The following ABCG8 variants were observed in gnomAD, a reference collection of about 807,000 sequenced individuals.
ABCG8 encodes the protein ATP binding cassette subfamily G member 8, also known as ATP-binding cassette sub-family G member 8.
In ABCG8, 81 loss-of-function variants were observed where a neutral mutation model predicts 71.3. The ratio of observed to expected loss-of-function variants is 1.14; its 90% CI spans 0.95 to 1.37. The LOEUF (loss-of-function observed/expected upper bound fraction) is 1.37. Among genes scored for constraint, ABCG8 ranks in the 40% most tolerant of loss-of-function variants. The pLI, the probability that ABCG8 is intolerant of heterozygous loss-of-function variation, is 0.00. For synonymous variants in ABCG8, 451 were observed against 354.7 expected (o/e 1.27, Z -3.05); for missense variants, 1,119 against 866.2 (o/e 1.29, Z -3.66).
chr2:43,868,739 G>A (rs1485563526), intron 6 of ABCG8, among the ~76,000 whole-genome samples: 1 of 151,462 alleles, frequency 6.6e-6, no homozygotes, highest in African/African-American at 2.4e-5. Context: ...TATCGATCAG[G>A]ATAGAATTCT....
chr2:43,875,846 C>G (rs1669943131), intron 11 of ABCG8, among the ~76,000 whole-genome samples: 1 of 152,090 alleles, frequency 6.6e-6, no homozygotes, highest in South Asian at 2.1e-4. Flanking sequence ...AGGTGCAAAC[C>G]CATGCCCCCC....
At chr2:43,868,099 C>T (rs1044222318) in intron 6 of ABCG8, among the ~76,000 whole-genome samples, 2 of 151,754 alleles carry the variant, frequency 1.3e-5, no homozygotes, top group Non-Finnish European at 2.9e-5. Context: ...GGATAGATCT[C>T]TCACTGTCTG....
rs575298621 is a variant in ABCG8 at position 43,867,323 on chromosome 2, G to A, written c.965-4653G>A. Among the ~76,000 whole-genome samples the A allele has an allele frequency of 2.0e-4, 30 of 147,044 alleles. No individual in the cohort carries two copies. In the South Asian group the frequency reaches 6.3e-3, roughly 31 times the overall value. Reference sequence around the variant, plus strand: ...TAACTAACCTGCACATTGTGCACATGTACCCTAAAACTTAAAGTATAATTA... The same window carrying A: ...TAACTAACCTGCACATTGTGCACATATACCCTAAAACTTAAAGTATAATTA... On this transcript the variant is annotated intron_variant, in intron 6 of 12. Transcript: ENST00000272286.
chr2:43,869,994 T>C (rs1282302381), intron 6 of ABCG8, among the ~76,000 whole-genome samples: 1 of 152,158 alleles, frequency 6.6e-6, no homozygotes, highest in Non-Finnish European at 1.5e-5. Flanking sequence ...TGACAATCTA[T>C]CTGGATAGAA....
rs200243054 is a variant in ABCG8, at chr2:43,880,166, A to ATTTTTTTTTTTTTTT, written c.*2259_*2260insTTTTTTTTTTTTTTT. On this transcript the variant is annotated 3_prime_UTR_variant, in exon 13 of 13. Coordinates refer to ENST00000272286, the MANE Select transcript of ABCG8 (RefSeq NM_022437.3). Reference sequence around the variant, plus strand: ...TGAAACAACCAAGAGTTTCAGGCTCATTTTTTGTTTTGTTTTTTTTTTTTT... The same window carrying ATTTTTTTTTTTTTTT: ...TGAAACAACCAAGAGTTTCAGGCTCATTTTTTTTTTTTTTTTTTTTTGTTTTGTTTTTTTTTTTTT... The ATTTTTTTTTTTTTTT allele has an allele frequency of 9.8e-6, 1 of 102,536 alleles. No homozygotes were observed. 6.4% of individuals were successfully genotyped at this position (102,536 alleles called of 1,614,324 possible).
intron 6 of ABCG8, among the ~76,000 whole-genome samples, chr2:43,869,561 A>G (rs542452575): frequency 6.6e-6 from 1 of 151,112 alleles, no homozygotes; most frequent in Non-Finnish European, 1.5e-5. Context: ...AATTCTCACC[A>G]TCTGGATAGA....
intron 11 of ABCG8, 63 bp from the exon 12 acceptor site, chr2:43,877,498 G>A (rs1164106141): frequency 4.4e-5 from 71 of 1,610,578 alleles, no homozygotes; most frequent in Non-Finnish European, 5.4e-5. Context: ...GAGACCATGC[G>A]AATATGGGGA....
chr2:43,851,428 C>T (rs1668910006), intron 3 of ABCG8, among the ~76,000 whole-genome samples, 156 bp from the exon 4 acceptor site: 1 of 152,258 alleles, frequency 6.6e-6, no homozygotes. Flanking sequence ...GGGCCCACCC[C>T]ATCTAGGTCC....
intron 6 of ABCG8, among the ~76,000 whole-genome samples, chr2:43,871,335 G>T (rs1054644913): frequency 2.0e-5 from 3 of 150,006 alleles, no homozygotes; most frequent in East Asian, 2.0e-4. Flanking sequence ...TCTCTGGATA[G>T]AACTCTCACT....
chr2:43,877,589 C>T lies in ABCG8; in HGVS notation c.1785C>T (p.Phe595=), dbSNP rs139677898. ...TVPAWISKVS[F]LRWCFEGLMK... is the part of the protein sequence containing the mutation. The stretch of plus-strand genomic sequence containing the variant: ...CCGCGTGGATTTCCAAAGTGTCCTT[C>T]CTGCGGTGGTGTTTTGAAGGGCTGA... Residue 595 remains phenylalanine (F), a synonymous_variant, in exon 12 of 13, where the codon TTC becomes TTT. Coordinates refer to ENST00000272286, the MANE Select transcript of ABCG8 (RefSeq NM_022437.3). The T allele has an allele frequency of 1.8e-3, 2,837 of 1,614,098 alleles. No homozygotes were observed. Among genetic ancestry groups the T allele is most frequent in the Non-Finnish European group, 2.2e-3 (2,646 of 1,180,022 alleles).
In ABCG8 at chr2:43,846,767, C is replaced by T. The variant is rs145290709; in HGVS notation, c.322+456C>T. ...TGTCTTACTTAGCACAACTTTCACT[C>T]ATCTGCAAAGAGCCAGGTTCTTGGA... On this transcript the variant is annotated intron_variant, in intron 3 of 12. Transcript: ENST00000272286. 453 of 218,734 alleles carry T rather than the reference C, an allele frequency of 2.1e-3. 1 individual carries two copies. The highest frequency in any genetic ancestry group is 5.5e-3 in the Middle Eastern group (3 of 542). 13.5% of individuals were successfully genotyped at this position (218,734 alleles called of 1,614,324 possible).
At chr2:43,842,546 T>C (rs1459692165) in intron 1 of ABCG8, among the ~76,000 whole-genome samples, 2 of 151,944 alleles carry the variant, frequency 1.3e-5, no homozygotes, top group Non-Finnish European at 2.9e-5. Flanking sequence ...GCAACTGGGG[T>C]TGAGGTGGGA....
chr2:43,856,570 A>C (rs1464378453), intron 6 of ABCG8, among the ~76,000 whole-genome samples: 2 of 151,662 alleles, frequency 1.3e-5, no homozygotes, highest in East Asian at 3.9e-4. Flanking sequence ...AACTCTCCCC[A>C]TGTAGATAGA....
At chr2:43,861,940 C>A (rs540922137) in intron 6 of ABCG8, among the ~76,000 whole-genome samples, 4 of 150,400 alleles carry the variant, frequency 2.7e-5, no homozygotes, top group African/African-American at 9.7e-5. Flanking sequence ...CACTATCTAC[C>A]TCGATATAAT....
chr2:43,869,631 T>A (rs4952688), intron 6 of ABCG8, among the ~76,000 whole-genome samples: 123,264 of 151,862 alleles, frequency 0.81, 50,560 homozygotes, highest in East Asian at 0.99. Context: ...ATCTTTTTGG[T>A]TAGAACTGTC....
chr2:43,859,843 A>G (rs1002580830), intron 6 of ABCG8, among the ~76,000 whole-genome samples: 18 of 151,030 alleles, frequency 1.2e-4, no homozygotes, highest in African/African-American at 3.4e-4. Context: ...AACTTTCACT[A>G]TCTGGATAGA....
chr2:43,841,770 C>G (rs1668587290), intron 1 of ABCG8, among the ~76,000 whole-genome samples: 1 of 152,174 alleles, frequency 6.6e-6, no homozygotes, highest in Non-Finnish European at 1.5e-5. Flanking sequence ...TCTCAAAGCA[C>G]CACACAGTGG....
rs1245700708 is a variant in ABCG8 at position 43,879,945 on chromosome 2, ATGTAAAT to A, written c.*2039_*2045del. The A allele has an allele frequency of 5.9e-5, 9 of 152,298 alleles. No homozygotes were observed. The highest frequency in any genetic ancestry group is 2.2e-4 in the African/African-American group (9 of 41,568). 9.4% of individuals were successfully genotyped at this position (152,298 alleles called of 1,614,324 possible). A position where few individuals can be genotyped will look rare whatever the true frequency, so the allele number is the denominator to read the frequency against. On this transcript the variant is annotated 3_prime_UTR_variant, in exon 13 of 13. Coordinates refer to ENST00000272286, the MANE Select transcript of ABCG8 (RefSeq NM_022437.3). Reference sequence around the variant, plus strand: ...TTTTGTAAGTGGGTACTTTGAAACTATGTAAATTGTAAACTTTCCATTTATGCATTTT... The same window carrying A: ...TTTTGTAAGTGGGTACTTTGAAACTATGTAAACTTTCCATTTATGCATTTT...
rs751394354 is a variant in ABCG8, at chr2:43,852,812, A to G, written c.908A>G (p.Tyr303Cys). Reference protein sequence around the residue: ...YLGAAQHMVQYFTAIGYPCPR... With the variant: ...YLGAAQHMVQCFTAIGYPCPR... ...GGGGCGGCCCAGCACATGGTCCAGT[A>G]TTTCACAGCCATCGGCTACCCCTGT... Residue 303 changes from tyrosine to cysteine, a missense_variant, in exon 6 of 13, where the codon TAT (tyrosine) becomes TGT (cysteine). Tyr to Cys is a radical substitution (Grantham distance 194). Coordinates refer to ENST00000272286, the MANE Select transcript of ABCG8 (RefSeq NM_022437.3). 1 of 1,614,062 alleles carries G rather than the reference A, an allele frequency of 6.2e-7. No individual in the cohort carries two copies. Among genetic ancestry groups the G allele is most frequent in the South Asian group, 1.1e-5 (1 of 91,076 alleles).
Sources: gnomAD v4.1 joint callset for allele counts (sites outside exome capture counted in the v4.1 genomes callset) on GRCh38, gnomAD v4.1.1 for gene constraint, MANE v1.5 for transcripts, NCBI Gene and HGNC (gene_info 2026-07-23, HGNC 2026-07-21) for gene names.